The following MYO16 variants were observed in gnomAD, a reference collection of about 807,000 sequenced individuals.
The protein encoded by MYO16 is unconventional myosin-XVI.
In MYO16, 94 loss-of-function variants were observed where a neutral mutation model predicts 205.3. That is an observed-to-expected ratio of 0.46 (90% CI 0.39 to 0.54). MYO16 has a LOEUF of 0.54. MYO16 is among the 20% of genes least tolerant of loss of function. The probability of loss-of-function intolerance (pLI) is 0.00; values close to 1 mark genes in which losing one functional copy is unlikely to be tolerated. For missense variants in MYO16, 2,315 were observed against 2,387.5 expected (o/e 0.97, Z 0.63); for synonymous variants, 988 against 954.0 (o/e 1.04, Z -0.66).
At chr13:108,568,753 C>G in the MYO16 span, among the ~76,000 whole-genome samples, 9 of 151,792 alleles carry the variant, frequency 5.9e-5, no homozygotes, top group African/African-American at 9.7e-5. Flanking sequence ...GATGTCATAT[C>G]TAAAAAACCG....
At chr13:108,959,631 A>C (rs1883506308) in intron 17 of MYO16, among the ~76,000 whole-genome samples, 2 of 152,162 alleles carry the variant, frequency 1.3e-5, no homozygotes, top group Non-Finnish European at 2.9e-5. Context: ...AGTAAGATTC[A>C]AAGGAAGGTA....
intron 21 of MYO16, among the ~76,000 whole-genome samples, chr13:108,993,729 A>G (rs1327777141): frequency 6.6e-6 from 1 of 152,204 alleles, no homozygotes; most frequent in Non-Finnish European, 1.5e-5. Flanking sequence ...GATGAACATA[A>G]GGAAGAAAGC....
intron 27 of MYO16, among the ~76,000 whole-genome samples, chr13:109,085,016 C>A (rs1006261427): frequency 6.6e-6 from 1 of 151,998 alleles, no homozygotes; most frequent in Non-Finnish European, 1.5e-5. Context: ...AAAATGAGCC[C>A]GAAAGGGGTG....
chr13:108,750,793 C>G (rs2116245), intron 4 of MYO16, among the ~76,000 whole-genome samples: 1 of 151,070 alleles, frequency 6.6e-6, no homozygotes, highest in Admixed American at 6.6e-5. Context: ...GGTGACAGAG[C>G]AAGACTCCAT....
At chr13:108,498,827 T>C in the MYO16 span, among the ~76,000 whole-genome samples, 1 of 152,284 alleles carries the variant, frequency 6.6e-6, no homozygotes, top group East Asian at 1.9e-4. Context: ...GCTTTTCCAT[T>C]TAGTATCTCA....
chr13:109,062,109 T>C (rs1887612321), intron 27 of MYO16, among the ~76,000 whole-genome samples: 1 of 152,160 alleles, frequency 6.6e-6, no homozygotes, highest in African/African-American at 2.4e-5. Flanking sequence ...ATCATAAAAT[T>C]AGAAAATTAT....
chr13:109,198,834 C>A (rs750976017), intron 34 of MYO16, among the ~76,000 whole-genome samples: 7 of 152,070 alleles, frequency 4.6e-5, no homozygotes, highest in Non-Finnish European at 1.0e-4. Flanking sequence ...GGTGATGAAG[C>A]CAGCGAATGC....
At chr13:108,560,784 A>G in the MYO16 span, among the ~76,000 whole-genome samples, 61 of 152,302 alleles carry the variant, frequency 4.0e-4, no homozygotes, top group African/African-American at 1.3e-3. Context: ...TTTGCATTGA[A>G]TAGTATAAAT....
chr13:108,939,347 A>AG (rs774354587), intron 16 of MYO16, among the ~76,000 whole-genome samples: 1 of 152,154 alleles, frequency 6.6e-6, no homozygotes, highest in Non-Finnish European at 1.5e-5. Context: ...CCCGGGGGAA[A>AG]GGGGAGTCAC....
At chr13:108,889,710 A>G (rs1170670453) in intron 14 of MYO16, among the ~76,000 whole-genome samples, 1 of 152,164 alleles carries the variant, frequency 6.6e-6, no homozygotes, top group Non-Finnish European at 1.5e-5. Flanking sequence ...AGGTTGAAAT[A>G]AAATATTATT....
chr13:108,689,007 C>T (rs1242891605), intron 2 of MYO16, among the ~76,000 whole-genome samples: 1 of 152,064 alleles, frequency 6.6e-6, no homozygotes, highest in East Asian at 1.9e-4. Flanking sequence ...AATAAACTGT[C>T]AAGGGATCAC....
At chr13:108,660,149 GT>G (rs1881439221) in intron 1 of MYO16, among the ~76,000 whole-genome samples, 1 of 152,134 alleles carries the variant, frequency 6.6e-6, no homozygotes, top group African/African-American at 2.4e-5. Flanking sequence ...AAGTATAAGA[GT>G]GATAAATACT....
chr13:109,192,583 A>T (rs1178067761), intron 34 of MYO16, among the ~76,000 whole-genome samples: 1 of 152,156 alleles, frequency 6.6e-6, no homozygotes, highest in African/African-American at 2.4e-5. Context: ...AGGGGTAGTC[A>T]TCTGACTGAA....
At chr13:109,028,693 A>G (rs1886444971) in intron 23 of MYO16, among the ~76,000 whole-genome samples, 1 of 150,416 alleles carries the variant, frequency 6.6e-6, no homozygotes, top group South Asian at 2.1e-4. Context: ...TCTGTGGTGG[A>G]TTTTGATTGT....
At chr13:108,658,677 A>G (rs907571391) in intron 1 of MYO16, among the ~76,000 whole-genome samples, 2 of 152,080 alleles carry the variant, frequency 1.3e-5, no homozygotes, top group Non-Finnish European at 2.9e-5. Context: ...TGGCTTTGTA[A>G]GTTTCTGAAC....
intron 9 of MYO16, among the ~76,000 whole-genome samples, chr13:108,838,970 T>G (rs1244306094): frequency 1.3e-5 from 2 of 152,110 alleles, no homozygotes; most frequent in South Asian, 2.1e-4. Flanking sequence ...GGTATTTGTC[T>G]TAGTTCATTT....
rs10557146 is a variant in MYO16, at chr13:109,055,246, TACAC to T, written c.3130-118_3130-115del. 0.053 allele frequency: 31,762 copies of T among 602,886 alleles called. 58 individuals are homozygous for T. The highest frequency in any genetic ancestry group is 0.16 in the East Asian group (3,711 of 22,702). 37.3% of individuals were successfully genotyped at this position (602,886 alleles called of 1,614,324 possible). ...AATATCTTCACAAAAAAAGTAAACA[TACAC>T]ACACACACACACACACACACACACA... On this transcript the variant is annotated intron_variant, in intron 26 of 34. Transcript: ENST00000457511. The surrounding 1 kb of genome is among the most constrained non-coding windows in gnomAD (Gnocchi z 5.0).
chr13:108,605,792 A>C (rs1878933965), intron 1 of MYO16, among the ~76,000 whole-genome samples: 2 of 152,226 alleles, frequency 1.3e-5, no homozygotes, highest in African/African-American at 4.8e-5. Flanking sequence ...GGGCGCTGCT[A>C]TAAAGTTACC....
At chr13:108,901,927 G>T (rs1182443535) in intron 15 of MYO16, among the ~76,000 whole-genome samples, 1 of 152,096 alleles carries the variant, frequency 6.6e-6, no homozygotes, top group Admixed American at 6.5e-5. Context: ...GTTGTTTCCT[G>T]GTTTTAAGAA....
Sources: gnomAD v4.1 joint callset for allele counts (sites outside exome capture counted in the v4.1 genomes callset) on GRCh38, gnomAD v4.1.1 for gene constraint, Gnocchi (gnomAD v3.1) non-coding constraint, MANE v1.5 for transcripts, NCBI Gene and HGNC (gene_info 2026-07-23, HGNC 2026-07-21) for gene names.